RDX: variants seen among roughly 807,000 people sequenced by gnomAD.
The protein encoded by RDX is deafness, autosomal recessive 24.
In RDX, 32 loss-of-function variants were observed where a neutral mutation model predicts 83.7. The observed-to-expected ratio is 0.38, with a 90% CI of 0.29 to 0.51. RDX has a LOEUF of 0.51. RDX is among the 20% of genes least tolerant of loss of function. The probability of loss-of-function intolerance (pLI) is 0.87; values close to 1 mark genes in which losing one functional copy is unlikely to be tolerated. For missense variants in RDX, 600 were observed against 689.9 expected (o/e 0.87, Z 1.46); for synonymous variants, 229 against 222.7 (o/e 1.03, Z -0.25).
intron 14 of RDX, among the ~76,000 whole-genome samples, chr11:110,205,856 C>T (rs1863583969): frequency 6.6e-6 from 1 of 152,170 alleles, no homozygotes; most frequent in Admixed American, 6.6e-5. Flanking sequence ...ACTCCCCTCC[C>T]TAGGTCTCTG....
At chr11:110,290,928 A>G (rs1249487602) in intron 1 of RDX, among the ~76,000 whole-genome samples, 1 of 152,234 alleles carries the variant, frequency 6.6e-6, no homozygotes, top group East Asian at 1.9e-4. Flanking sequence ...AATTTAACTG[A>G]AGTTGGTACC....
chr11:110,268,586 C>T (rs1041448151), intron 3 of RDX, among the ~76,000 whole-genome samples: 1 of 152,180 alleles, frequency 6.6e-6, no homozygotes, highest in Admixed American at 6.5e-5. Context: ...TCTGCCTCCA[C>T]ACTCTGTGAG....
Position 110,272,569 on chromosome 11 carries a change from C to A in RDX, c.63G>T (p.Gln21His), listed in dbSNP as rs1333330754. The change falls in exon 3 of 14, where the codon CAG (glutamine) becomes CAT (histidine). Residue 21 changes from glutamine (Q) to histidine (H), a missense_variant. By Grantham distance (24) the Gln-to-His change is conservative. Transcript: ENST00000645495. Reference protein sequence around the residue: ...TMDAELEFAIQPNTTGKQLFD... With the variant: ...TMDAELEFAIHPNTTGKQLFD... Reference sequence around the variant, plus strand: ...AAAGTTGTTTGCCAGTTGTATTGGGCTGAATGGCAAATTCCAGCTCAGCAT... The same window carrying A: ...AAAGTTGTTTGCCAGTTGTATTGGGATGAATGGCAAATTCCAGCTCAGCAT... 4 of 1,612,152 alleles carry A rather than the reference C, an allele frequency of 2.5e-6. No individual in the cohort carries two copies. The highest frequency in any genetic ancestry group is 3.4e-6 in the Non-Finnish European group (4 of 1,179,300).
At chr11:110,289,461 C>T (rs992240203) in intron 1 of RDX, among the ~76,000 whole-genome samples, 1 of 152,010 alleles carries the variant, frequency 6.6e-6, no homozygotes, top group South Asian at 2.1e-4. Context: ...TGCTGAATAG[C>T]CAAACTAAGT....
chr11:110,189,273 AGGG>A, intron 15 of RDX, among the ~76,000 whole-genome samples: 1 of 146,330 alleles, frequency 6.8e-6, no homozygotes, highest in Middle Eastern at 3.5e-3. Flanking sequence ...AAAAAAGACA[AGGG>A]CATTACATAA....
intron 10 of RDX, among the ~76,000 whole-genome samples, chr11:110,239,211 C>G (rs12575178): frequency 6.6e-6 from 1 of 151,124 alleles, no homozygotes; most frequent in Non-Finnish European, 1.5e-5. Flanking sequence ...TTCCATTTAC[C>G]ATAGCCAAAA....
chr11:110,247,747 T>C lies in RDX; in HGVS notation c.1046A>G (p.Glu349Gly), dbSNP rs770471737. 1.2e-6 allele frequency: 2 copies of C among 1,612,140 alleles called. No homozygotes were observed. The highest frequency in any genetic ancestry group is 1.1e-5 in the South Asian group (1 of 90,934). ...CTGCTCTTCAATTTGTTTTAGACGT[T>C]CCATTAGCTCTTCCTTTTCACGTTC... is the stretch of plus-strand genomic sequence containing the variant. ...RIEREKEELMERLKQIEEQTI... is the reference protein window; with the variant it reads ...RIEREKEELMGRLKQIEEQTI... Residue 349 changes from glutamate to glycine, a missense_variant, in exon 10 of 14, where the codon GAA (glutamate) becomes GGA (glycine). Glu to Gly is a moderately conservative substitution (Grantham distance 98). Coordinates refer to ENST00000645495, the MANE Select transcript of RDX (RefSeq NM_002906.4).
intron 2 of RDX, among the ~76,000 whole-genome samples, chr11:110,277,562 C>T (rs898983988): frequency 1.3e-5 from 2 of 152,104 alleles, no homozygotes; most frequent in African/African-American, 4.8e-5. Flanking sequence ...TCAAGTGATA[C>T]TCCCGCCTCA....
chr11:110,226,164 A>C (rs554150683), downstream of RDX, among the ~76,000 whole-genome samples: 2 of 152,282 alleles, frequency 1.3e-5, no homozygotes, highest in African/African-American at 4.8e-5. Flanking sequence ...AGGGACTCTA[A>C]GATATTTGTA....
rs1273669327 is a variant in RDX at position 110,257,871 on chromosome 11, T to C, written c.594A>G (p.Leu198=). Residue 198 remains leucine (L), a synonymous_variant, in exon 7 of 14, where the codon CTA becomes CTG. Transcript: ENST00000645495. ...CAAAATAGTTGACTCCATACATTTC[T>C]AGATCTTGTGCAATCTTCAGGTATT... ...MMEYLKIAQD[L]EMYGVNYFEI... 1.2e-6 allele frequency: 2 copies of C among 1,612,504 alleles called. No individual in the cohort carries two copies. Among genetic ancestry groups the C allele is most frequent in the Non-Finnish European group, 1.7e-6 (2 of 1,178,810 alleles).
intron 14 of RDX, among the ~76,000 whole-genome samples, chr11:110,223,868 C>A (rs2134281114): frequency 6.6e-6 from 1 of 152,128 alleles, no homozygotes; most frequent in African/African-American, 2.4e-5. Flanking sequence ...GAATTTGAGA[C>A]CAGCCTGACC....
At position 110,264,086 on chromosome 11, in the gene RDX, T is replaced by C; in HGVS notation, c.341A>G (p.Glu114Gly). 2 of 1,613,980 alleles carry C rather than the reference T, an allele frequency of 1.2e-6. No individual in the cohort carries two copies. Among genetic ancestry groups the C allele is most frequent in the Non-Finnish European group, 1.7e-6 (2 of 1,179,878 alleles). ...LQVKEAILND[E>G]IYCPPETAVL... ...TGCAGTTTCTGGCGGGCAATATATC[T>C]CATCATTTAAGATGGCTTCTTTAAC... The change falls in exon 5 of 14, where the codon GAG (glutamate) becomes GGG (glycine). Residue 114 changes from glutamate (E) to glycine (G), a missense_variant. Transcript: ENST00000645495.
At chr11:110,278,710 T>C (rs1049738739) in intron 2 of RDX, among the ~76,000 whole-genome samples, 1 of 152,036 alleles carries the variant, frequency 6.6e-6, no homozygotes, top group Non-Finnish European at 1.5e-5. Context: ...TCTTTATGCC[T>C]TTTTTTAATT....
At chr11:110,251,630 C>T (rs539456751) in intron 9 of RDX, among the ~76,000 whole-genome samples, 79 of 152,218 alleles carry the variant, frequency 5.2e-4, no homozygotes, top group African/African-American at 1.8e-3. Context: ...ACAATTGGTA[C>T]ATAGGTATGT....
chr11:110,276,084 C>A (rs1035067622), intron 2 of RDX, among the ~76,000 whole-genome samples: 1 of 152,136 alleles, frequency 6.6e-6, no homozygotes, highest in South Asian at 2.1e-4. Context: ...CTGCACCCAG[C>A]CAATTTTTTG....
At chr11:110,218,007 T>C (rs1226276640) in intron 14 of RDX, among the ~76,000 whole-genome samples, 1 of 152,230 alleles carries the variant, frequency 6.6e-6, no homozygotes, top group East Asian at 1.9e-4. Context: ...AATAACATTA[T>C]TTGAATGGAT....
intron 3 of RDX, among the ~76,000 whole-genome samples, chr11:110,271,718 C>G (rs1860319482): frequency 6.6e-6 from 1 of 152,018 alleles, no homozygotes; most frequent in African/African-American, 2.4e-5. Context: ...AAGATAAGAT[C>G]AGTAGTCCCA....
At chr11:110,187,584 G>A (rs879401118) in intron 15 of RDX, among the ~76,000 whole-genome samples, 2 of 152,214 alleles carry the variant, frequency 1.3e-5, no homozygotes, top group Non-Finnish European at 2.9e-5. Flanking sequence ...CCTGTGCAGA[G>A]AACTTGGAGC....
chr11:110,280,772 G>T (rs1301282449), intron 1 of RDX, among the ~76,000 whole-genome samples: 1 of 152,216 alleles, frequency 6.6e-6, no homozygotes, highest in Non-Finnish European at 1.5e-5. Flanking sequence ...AAGCTGCAGT[G>T]AGCGGTGATC....
Sources: gnomAD v4.1 joint callset for allele counts (sites outside exome capture counted in the v4.1 genomes callset) on GRCh38, gnomAD v4.1.1 for gene constraint, MANE v1.5 for transcripts, NCBI Gene and HGNC (gene_info 2026-07-23, HGNC 2026-07-21) for gene names.